LRRC4C: variants seen among roughly 807,000 people sequenced by gnomAD.
The protein encoded by LRRC4C is leucine-rich repeat-containing protein 4C.
LRRC4C carries 5 observed loss-of-function variants against 33.6 expected under a neutral mutation model. The ratio of observed to expected loss-of-function variants is 0.15; its 90% CI spans 0.08 to 0.31. The LOEUF (loss-of-function observed/expected upper bound fraction) is 0.31, where lower values mean the gene tolerates loss of function less well. Ranked by LOEUF, LRRC4C falls within the 10% of genes least tolerant of loss-of-function variation. LRRC4C has a pLI of 1.00. For missense variants in LRRC4C, 560 were observed against 796.7 expected (o/e 0.70, Z 3.58); for synonymous variants, 329 against 302.0 (o/e 1.09, Z -0.93).
chr11:41,444,995 G>T lies in LRRC4C; in HGVS notation c.-496+14436C>A, dbSNP rs143388093. Among the ~76,000 whole-genome samples, 992 of 151,810 alleles carry T rather than the reference G, an allele frequency of 6.5e-3. 53 individuals are homozygous for T. The East Asian group carries it at 0.13, about 20-fold the overall frequency. The stretch of plus-strand genomic sequence containing the variant: ...ATTTTGTATTTTTAGTAGAGACAGG[G>T]TTTCTTCATGTTGGCCAGGCTGGTC... On this transcript the variant is annotated intron_variant, in intron 1 of 6. Coordinates refer to ENST00000528697, the MANE Select transcript of LRRC4C (RefSeq NM_001258419.2).
intron 1 of LRRC4C, among the ~76,000 whole-genome samples, chr11:41,372,010 G>A (rs989914941): frequency 3.3e-5 from 5 of 152,162 alleles, no homozygotes; most frequent in African/African-American, 7.2e-5. Flanking sequence ...AGTGGCTGGC[G>A]CCTGTAGTCC....
chr11:40,735,269 T>A (rs1947799486), intron 2 of LRRC4C, among the ~76,000 whole-genome samples: 1 of 152,052 alleles, frequency 6.6e-6, no homozygotes, highest in South Asian at 2.1e-4. Context: ...CATTAACTCG[T>A]CATTTAGCAT....
intron 5 of LRRC4C, among the ~76,000 whole-genome samples, chr11:40,199,844 A>T (rs966337576): frequency 6.6e-6 from 1 of 152,186 alleles, no homozygotes; most frequent in Non-Finnish European, 1.5e-5. Context: ...AGATAACTCC[A>T]GGGATGTTCT....
intron 3 of LRRC4C, among the ~76,000 whole-genome samples, chr11:40,620,223 T>G (rs746509708): frequency 6.6e-6 from 1 of 151,712 alleles, no homozygotes; most frequent in African/African-American, 2.4e-5. Context: ...CTTCTATGCT[T>G]TCCATCCCAT....
At chr11:40,118,812 C>A (rs1855622035) in intron 6 of LRRC4C, among the ~76,000 whole-genome samples, 1 of 152,116 alleles carries the variant, frequency 6.6e-6, no homozygotes. Flanking sequence ...TTTTATAGTG[C>A]AGGCAACATG....
chr11:40,336,634 C>A (rs761876607), intron 3 of LRRC4C, among the ~76,000 whole-genome samples: 10 of 152,050 alleles, frequency 6.6e-5, no homozygotes, highest in Non-Finnish European at 1.3e-4. Context: ...AGTCAGCAGA[C>A]AAATAAATCT....
intron 5 of LRRC4C, among the ~76,000 whole-genome samples, chr11:40,173,194 GT>G (rs1860191219): frequency 6.6e-6 from 1 of 152,186 alleles, no homozygotes; most frequent in Non-Finnish European, 1.5e-5. Context: ...CATTTTTGTT[GT>G]TTAAACTCAC....
chr11:40,765,017 C>T (rs1949384988), intron 2 of LRRC4C, among the ~76,000 whole-genome samples: 1 of 152,144 alleles, frequency 6.6e-6, no homozygotes, highest in Non-Finnish European at 1.5e-5. Flanking sequence ...TCCAACTCTT[C>T]AGTGCTCAGA....
At position 41,391,552 on chromosome 11, in the gene LRRC4C, G is replaced by A. The variant is rs377666813; in HGVS notation, c.-496+67879C>T. ...TAATGAAGGCATGAATGATGCCCAC[G>A]TTTGAAAGCCACTGCAATAAATGAT... On this transcript the variant is annotated intron_variant, in intron 1 of 6. Coordinates refer to ENST00000528697, the MANE Select transcript of LRRC4C (RefSeq NM_001258419.2). Among the ~76,000 whole-genome samples, 342 of 152,012 alleles carry A rather than the reference G, an allele frequency of 2.2e-3. 18 individuals are homozygous for A. In the South Asian group the frequency reaches 0.067, roughly 30 times the overall value.
intron 2 of LRRC4C, among the ~76,000 whole-genome samples, chr11:40,772,515 C>G (rs1462165465): frequency 6.6e-6 from 1 of 152,262 alleles, no homozygotes; most frequent in Admixed American, 6.5e-5. Flanking sequence ...AAAGATCTAA[C>G]AATCTGATTT....
chr11:41,055,125 T>C lies in LRRC4C; in HGVS notation c.-495-121402A>G, dbSNP rs114077410. 8.7e-3 allele frequency among the ~76,000 whole-genome samples: 1,318 copies of C among 152,266 alleles called. 17 individuals carry two copies. The highest frequency in any genetic ancestry group is 0.029 in the African/African-American group (1,210 of 41,560). On this transcript the variant is annotated intron_variant, in intron 1 of 6. Coordinates refer to ENST00000528697, the MANE Select transcript of LRRC4C (RefSeq NM_001258419.2). ...TAGCCTCCCTTTTCCTCAGAGGTTA[T>C]CATTATCCTGACTTATAATACCACA...
intron 2 of LRRC4C, among the ~76,000 whole-genome samples, chr11:40,743,218 A>G (rs10837494): frequency 0.39 from 59,268 of 151,564 alleles, 12,110 homozygotes; most frequent in Middle Eastern, 0.48. Context: ...GAAAGCATGC[A>G]TTTAATGAAT....
At chr11:40,432,068 G>C (rs1476962733) in intron 3 of LRRC4C, among the ~76,000 whole-genome samples, 2 of 152,140 alleles carry the variant, frequency 1.3e-5, no homozygotes, top group African/African-American at 4.8e-5. Flanking sequence ...ACTTCAGACA[G>C]GTAGACAGAC....
In LRRC4C at chr11:41,075,057, T is replaced by TA. The variant is rs1186013053; in HGVS notation, c.-495-141335_-495-141334insT. Among the ~76,000 whole-genome samples, 38 of 41,794 alleles carry TA rather than the reference T, an allele frequency of 9.1e-4. No homozygotes were observed. In the East Asian group the frequency reaches 0.011, roughly 12 times the overall value. 27.4% of individuals were successfully genotyped at this position (41,794 alleles called of 152,430 possible). ...TTTTTATTTTTAATGTTTTTTTTTT[T>TA]TTTTTATTATACTCTAAGTTTTAGG... On this transcript the variant is annotated intron_variant, in intron 1 of 6. Coordinates refer to ENST00000528697, the MANE Select transcript of LRRC4C (RefSeq NM_001258419.2).
intron 1 of LRRC4C, among the ~76,000 whole-genome samples, chr11:41,183,097 C>T (rs1476589459): frequency 6.6e-6 from 1 of 152,088 alleles, no homozygotes; most frequent in Non-Finnish European, 1.5e-5. Context: ...GGGTCCCTCC[C>T]ATGACTCGTG....
At chr11:40,489,756 C>T (rs1467907477) in intron 3 of LRRC4C, among the ~76,000 whole-genome samples, 1 of 152,058 alleles carries the variant, frequency 6.6e-6, no homozygotes, top group Non-Finnish European at 1.5e-5. Context: ...AGGTCAGCTC[C>T]CATTTACTAT....
intron 3 of LRRC4C, among the ~76,000 whole-genome samples, chr11:40,364,269 G>A (rs1483265089): frequency 3.3e-5 from 5 of 151,904 alleles, no homozygotes; most frequent in African/African-American, 1.2e-4. Context: ...TGAAACAGAC[G>A]TTGAGCTGAC....
intron 3 of LRRC4C, among the ~76,000 whole-genome samples, chr11:40,610,357 A>T (rs1961081901): frequency 6.6e-6 from 1 of 151,914 alleles, no homozygotes; most frequent in South Asian, 2.1e-4. Flanking sequence ...TAGGAATAGA[A>T]TAATATTACC....
intron 1 of LRRC4C, among the ~76,000 whole-genome samples, chr11:40,998,561 A>T (rs1343573685): frequency 6.6e-6 from 1 of 152,150 alleles, no homozygotes; most frequent in African/African-American, 2.4e-5. Flanking sequence ...AATGGATTAC[A>T]TAATTATTCA....
Sources: allele counts gnomAD v4.1 joint callset (sites outside exome capture counted in the v4.1 genomes callset), GRCh38; gene constraint gnomAD v4.1.1; transcripts MANE v1.5; gene names NCBI Gene and HGNC (gene_info 2026-07-23, HGNC 2026-07-21).